The following CSMD1 variants were observed in gnomAD, a reference collection of about 807,000 sequenced individuals.
The protein encoded by CSMD1 is CUB and Sushi multiple domains 1, also known as CUB and sushi domain-containing protein 1.
A neutral mutation model predicts 417.5 loss-of-function variants in CSMD1; 213 were observed. The observed-to-expected ratio is 0.51, with a 90% CI of 0.46 to 0.57. CSMD1 has a LOEUF of 0.57. CSMD1 is among the 20% of genes least tolerant of loss of function. The probability of loss-of-function intolerance (pLI) is 0.00; values close to 1 mark genes in which losing one functional copy is unlikely to be tolerated. For synonymous variants in CSMD1, 2,862 were observed against 1,736.8 expected (o/e 1.65, Z -16.11); for missense variants, 6,923 against 4,529.7 (o/e 1.53, Z -15.17).
At chr8:4,537,382 G>A (rs1797153090) in intron 2 of CSMD1, among the ~76,000 whole-genome samples, 1 of 152,004 alleles carries the variant, frequency 6.6e-6, no homozygotes, top group Non-Finnish European at 1.5e-5. Flanking sequence ...ATTCTGTAGG[G>A]CAATGTAATA....
rs188235358 is a variant in CSMD1 at position 3,699,347 on chromosome 8, C to G, written c.1009+9067G>C. On this transcript the variant is annotated intron_variant, in intron 7 of 69. Transcript: ENST00000635120. ...TTCTGAAACTAGTGTGTTTTACTGA[C>G]ATGGATGAATTATTTAATTATTTGT... is the stretch of plus-strand genomic sequence containing the variant. Among the ~76,000 whole-genome samples the G allele has an allele frequency of 2.9e-3, 436 of 152,308 alleles. 2 individuals carry two copies. The highest frequency in any genetic ancestry group is 0.01 in the African/African-American group (425 of 41,558).
chr8:3,996,296 G>A (rs1280206157), intron 5 of CSMD1, among the ~76,000 whole-genome samples: 1 of 152,104 alleles, frequency 6.6e-6, no homozygotes, highest in Non-Finnish European at 1.5e-5. Context: ...TAACTTCTGA[G>A]AATGAGTCCC....
At chr8:3,958,068 C>T (rs1255224685) in intron 5 of CSMD1, among the ~76,000 whole-genome samples, 1 of 152,160 alleles carries the variant, frequency 6.6e-6, no homozygotes, top group African/African-American at 2.4e-5. Flanking sequence ...TGTTCATGTG[C>T]TATCTTAACT....
At chr8:3,631,654 C>A (rs1490687646) in intron 7 of CSMD1, among the ~76,000 whole-genome samples, 1 of 152,182 alleles carries the variant, frequency 6.6e-6, no homozygotes, top group African/African-American at 2.4e-5. Flanking sequence ...TTAGCCAGTC[C>A]AGCTCAGGTG....
intron 21 of CSMD1, among the ~76,000 whole-genome samples, chr8:3,352,513 A>C (rs1808484727): frequency 6.6e-6 from 1 of 152,158 alleles, no homozygotes; most frequent in Non-Finnish European, 1.5e-5. Flanking sequence ...TTTTTGGTCT[A>C]TTTGTCACTT....
At chr8:4,707,029 G>C (rs894543184) in intron 1 of CSMD1, among the ~76,000 whole-genome samples, 3 of 152,192 alleles carry the variant, frequency 2.0e-5, no homozygotes, top group Non-Finnish European at 4.4e-5. Context: ...GTCATTGACA[G>C]ATCTAACTTA....
chr8:4,468,474 T>A lies in CSMD1; in HGVS notation c.303-48409A>T, dbSNP rs538983817. Among the ~76,000 whole-genome samples the A allele has an allele frequency of 1.1e-4, 16 of 152,340 alleles. No homozygotes were observed. In the South Asian group the frequency reaches 3.3e-3, roughly 32 times the overall value. ...CAAACCTTATGATTTAAGCTCTTGA[T>A]ATACCAACTCATTCTTATCCTCTGA... On this transcript the variant is annotated intron_variant, in intron 2 of 69. Transcript: ENST00000635120.
At chr8:4,098,104 A>C (rs1299149393) in intron 3 of CSMD1, among the ~76,000 whole-genome samples, 1 of 152,224 alleles carries the variant, frequency 6.6e-6, no homozygotes, top group Admixed American at 6.5e-5. Context: ...ACAAAGGCTG[A>C]ATTAAGATGA....
At chr8:4,284,609 A>T (rs906395128) in intron 3 of CSMD1, among the ~76,000 whole-genome samples, 1 of 152,140 alleles carries the variant, frequency 6.6e-6, no homozygotes, top group Non-Finnish European at 1.5e-5. Context: ...TCAGGCAAAG[A>T]TGGTAAAACT....
intron 5 of CSMD1, among the ~76,000 whole-genome samples, chr8:3,792,530 T>G (rs1025270476): frequency 6.6e-6 from 1 of 152,154 alleles, no homozygotes; most frequent in East Asian, 1.9e-4. Flanking sequence ...ATCTCACAAT[T>G]GATTTATTTT....
intron 5 of CSMD1, among the ~76,000 whole-genome samples, chr8:3,949,361 C>G (rs1018429661): frequency 6.6e-6 from 1 of 152,182 alleles, no homozygotes; most frequent in Non-Finnish European, 1.5e-5. Context: ...ACACCTCAAT[C>G]TCACAGTCCC....
intron 3 of CSMD1, among the ~76,000 whole-genome samples, chr8:4,327,559 G>A (rs533824564): frequency 5.7e-4 from 87 of 152,166 alleles, no homozygotes; most frequent in South Asian, 4.8e-3. Context: ...GCTTTCCTGT[G>A]GGGCGCTCAT....
chr8:3,244,979 A>C (rs1799784500), intron 26 of CSMD1, among the ~76,000 whole-genome samples: 1 of 152,208 alleles, frequency 6.6e-6, no homozygotes, highest in Non-Finnish European at 1.5e-5. Flanking sequence ...ATTTCCAAGA[A>C]GAACTGTGAT....
chr8:3,955,192 G>A (rs1386927088), intron 5 of CSMD1, among the ~76,000 whole-genome samples: 5 of 152,158 alleles, frequency 3.3e-5, no homozygotes, highest in African/African-American at 9.7e-5. Flanking sequence ...CCGTGACCAC[G>A]TGCAGAGCAC....
At chr8:3,318,013 C>T (rs2117459439) in intron 23 of CSMD1, among the ~76,000 whole-genome samples, 1 of 152,306 alleles carries the variant, frequency 6.6e-6, no homozygotes, top group African/African-American at 2.4e-5. Context: ...GTTTCCCCGG[C>T]TGGGCTCAAA....
chr8:3,749,373 G>C (rs1797210665), intron 6 of CSMD1, among the ~76,000 whole-genome samples: 2 of 152,234 alleles, frequency 1.3e-5, no homozygotes, highest in East Asian at 1.9e-4. Context: ...AAAGTGAATA[G>C]ATTTTAAGAG....
At chr8:4,001,612 C>A (rs979541954) in intron 4 of CSMD1, among the ~76,000 whole-genome samples, 1 of 152,092 alleles carries the variant, frequency 6.6e-6, no homozygotes, top group Admixed American at 6.6e-5. Flanking sequence ...ATGTTATGCC[C>A]CTGTCTAATA....
chr8:3,357,168 C>T (rs1808850173), intron 21 of CSMD1, among the ~76,000 whole-genome samples: 2 of 152,074 alleles, frequency 1.3e-5, no homozygotes, highest in African/African-American at 4.8e-5. Context: ...CCGAATGCAC[C>T]AGAGGGGCTG....
chr8:4,075,559 G>A (rs774197961), intron 3 of CSMD1, among the ~76,000 whole-genome samples: 5 of 152,138 alleles, frequency 3.3e-5, no homozygotes, highest in African/African-American at 2.4e-5. Context: ...TATGTAACTG[G>A]TAAAATATTA....
Sources: gnomAD v4.1 joint callset for allele counts (sites outside exome capture counted in the v4.1 genomes callset) on GRCh38, gnomAD v4.1.1 for gene constraint, MANE v1.5 for transcripts, NCBI Gene and HGNC (gene_info 2026-07-23, HGNC 2026-07-21) for gene names.